Variants in DNAH5 observed in about 807,000 individuals in gnomAD.
DNAH5 encodes the protein axonemal beta dynein heavy chain 5.
A neutral mutation model predicts 518.2 loss-of-function variants in DNAH5; 372 were observed. That is an observed-to-expected ratio of 0.72 (90% CI 0.66 to 0.78). DNAH5 has a LOEUF of 0.78. Among genes scored for constraint, DNAH5 ranks in the 30% least tolerant of loss-of-function variants. The pLI, the probability that DNAH5 is intolerant of heterozygous loss-of-function variation, is 0.00. For synonymous variants in DNAH5, 2,039 were observed against 2,025.9 expected (o/e 1.01, Z -0.17); for missense variants, 5,523 against 5,687.0 (o/e 0.97, Z 0.93).
chr5:13,834,625 T>G (rs1165603708), intron 35 of DNAH5, among the ~76,000 whole-genome samples: 1 of 152,164 alleles, frequency 6.6e-6, no homozygotes, highest in African/African-American at 2.4e-5. Flanking sequence ...CGGGAGACCC[T>G]CTGAGGTGAC....
intron 16 of DNAH5, among the ~76,000 whole-genome samples, chr5:13,892,994 T>C (rs1187255709): frequency 6.6e-6 from 1 of 152,168 alleles, no homozygotes; most frequent in Non-Finnish European, 1.5e-5. Context: ...CTATAATGCA[T>C]AACAAAGGTG....
chr5:13,778,649 C>T (rs981177340), intron 53 of DNAH5, among the ~76,000 whole-genome samples: 1 of 151,952 alleles, frequency 6.6e-6, no homozygotes, highest in African/African-American at 2.4e-5. Flanking sequence ...TCTCACCCAG[C>T]TTCTTGTGAT....
rs1579967424 is a variant in DNAH5, at chr5:13,735,070, G to A, written c.11761+61C>T. On this transcript the variant is annotated intron_variant, in intron 68 of 78. Transcript: ENST00000265104. ...TATAACCAAAAAATGTACTGCAAAG[G>A]GCTTTCACAATAACTCCTCCATCTG... 7 of 1,506,748 alleles carry A rather than the reference G, an allele frequency of 4.6e-6. No individual in the cohort carries two copies. The East Asian group carries it at 1.6e-4, about 34-fold the overall frequency. The allele number at this position is 1,506,748 out of a possible 1,614,324, so 93.3% of individuals were successfully genotyped here.
chr5:13,900,438 C>A (rs1295671579), intron 14 of DNAH5, 26 bp from the exon 15 acceptor site: 1 of 1,589,624 alleles, frequency 6.3e-7, no homozygotes, highest in Non-Finnish European at 8.6e-7. Flanking sequence ...AACATCATTA[C>A]TATCAGAAAG....
intron 1 of DNAH5, among the ~76,000 whole-genome samples, chr5:13,985,807 A>ACC (rs1421359827): frequency 6.6e-6 from 1 of 152,168 alleles, no homozygotes; most frequent in Non-Finnish European, 1.5e-5. Flanking sequence ...CCCAGTTAAC[A>ACC]ACAGGATGCC....
chr5:13,900,104 C>A, intron 15 of DNAH5, 102 bp downstream of exon 15: 1 of 1,106,342 alleles, frequency 9.0e-7, no homozygotes, highest in Non-Finnish European at 1.3e-6. Context: ...CTCCATTCAT[C>A]CTGGCCACTT....
chr5:13,868,443 T>C (rs938850237), intron 24 of DNAH5, among the ~76,000 whole-genome samples: 4 of 152,332 alleles, frequency 2.6e-5, no homozygotes, highest in Non-Finnish European at 4.4e-5. Context: ...GAGGTTCCAA[T>C]AGTAAGACAC....
At chr5:13,797,760 T>C (rs986933905) in intron 47 of DNAH5, among the ~76,000 whole-genome samples, 1 of 152,124 alleles carries the variant, frequency 6.6e-6, no homozygotes, top group Non-Finnish European at 1.5e-5. Context: ...CACACGTATG[T>C]TTACTGCAGC....
chr5:13,872,629 G>A (rs981230771), intron 22 of DNAH5, among the ~76,000 whole-genome samples: 1 of 152,132 alleles, frequency 6.6e-6, no homozygotes, highest in Admixed American at 6.6e-5. Context: ...AACCAAGTAT[G>A]CATCTGTAAA....
chr5:13,916,172 G>T (rs554333339), intron 9 of DNAH5, among the ~76,000 whole-genome samples, 176 bp downstream of exon 9: 1 of 151,744 alleles, frequency 6.6e-6, no homozygotes, highest in South Asian at 2.1e-4. Flanking sequence ...TTTATGATTT[G>T]CTAGAATCAG....
intron 22 of DNAH5, among the ~76,000 whole-genome samples, chr5:13,873,234 T>C (rs1258576518): frequency 6.6e-6 from 1 of 152,198 alleles, no homozygotes; most frequent in African/African-American, 2.4e-5. Flanking sequence ...CTCCACAATC[T>C]CTTCCTTTTC....
At chr5:13,890,758 T>C (rs1773113147) in intron 17 of DNAH5, among the ~76,000 whole-genome samples, 1 of 152,216 alleles carries the variant, frequency 6.6e-6, no homozygotes, top group South Asian at 2.1e-4. Flanking sequence ...CTCCTACTGA[T>C]CTGAAATGAT....
In DNAH5 at chr5:13,912,368, C is replaced by T. The variant is rs1055446281; in HGVS notation, c.1537-875G>A. Among the ~76,000 whole-genome samples the T allele has an allele frequency of 9.2e-5, 14 of 151,970 alleles. No homozygotes were observed. In the South Asian group the frequency reaches 1.0e-3, roughly 11 times the overall value. Reference sequence around the variant, plus strand: ...TACTAGATAAAACAACCTACTTTTTCATGCTGCATAACTACAAAATTAGTT... The same window carrying T: ...TACTAGATAAAACAACCTACTTTTTTATGCTGCATAACTACAAAATTAGTT... On this transcript the variant is annotated intron_variant, in intron 11 of 78. Transcript: ENST00000265104.
intron 55 of DNAH5, among the ~76,000 whole-genome samples, chr5:13,773,199 C>T (rs1753585017): frequency 6.6e-6 from 1 of 152,004 alleles, no homozygotes; most frequent in African/African-American, 2.4e-5. Context: ...GCTATAACCA[C>T]AAAAATTACT....
At chr5:13,795,987 C>T (rs1757760190) in intron 47 of DNAH5, among the ~76,000 whole-genome samples, 1 of 152,172 alleles carries the variant, frequency 6.6e-6, no homozygotes, top group African/African-American at 2.4e-5. Context: ...AGGCCTTCGA[C>T]AAAATTCAAC....
chr5:13,707,507 A>T lies in DNAH5; in HGVS notation c.13338+616T>A, dbSNP rs1742953209. On this transcript the variant is annotated intron_variant, in intron 76 of 78. Coordinates refer to ENST00000265104, the MANE Select transcript of DNAH5 (RefSeq NM_001369.3). The surrounding 1 kb of genome is among the most constrained non-coding windows in gnomAD (Gnocchi z 4.0). ...GCCCATTCGGGAGCTGTAAACACTA[A>T]CCCTAGACACTGCCATGGGGTTGGA... Among the ~76,000 whole-genome samples the T allele has an allele frequency of 6.6e-6, 1 of 151,972 alleles. No individual in the cohort carries two copies. The highest frequency in any genetic ancestry group is 1.9e-4 in the East Asian group (1 of 5,182).
Position 13,719,008 on chromosome 5 carries a change from C to T in DNAH5, c.12373G>A (p.Ala4125Thr). 1 of 1,613,954 alleles carries T rather than the reference C, an allele frequency of 6.2e-7. No homozygotes were observed. Among genetic ancestry groups the T allele is most frequent in the Admixed American group, 1.7e-5 (1 of 60,008 alleles). ...TCGGTGGTCATCCAGAGGCGGAACGCATCATGTACAAGCTCAGTTTCTATG... is the reference window on the plus strand; with the variant it reads ...TCGGTGGTCATCCAGAGGCGGAACGTATCATGTACAAGCTCAGTTTCTATG... The part of the protein sequence containing the change: ...IIIETELVHD[A>T]FRLWMTTEAH... The change falls in exon 72 of 79, where the codon GCG (alanine) becomes ACG (threonine). Residue 4125 changes from alanine to threonine, a missense_variant. By Grantham distance (58) the Ala-to-Thr change is moderately conservative (BLOSUM62 0). Coordinates refer to ENST00000265104, the MANE Select transcript of DNAH5 (RefSeq NM_001369.3).
intron 52 of DNAH5, among the ~76,000 whole-genome samples, chr5:13,784,766 T>A (rs7712070): frequency 0.55 from 83,072 of 152,080 alleles, 22,753 homozygotes; most frequent in South Asian, 0.58. Flanking sequence ...TGATATCAAC[T>A]AAGTGAGAAT....
chr5:13,772,471 C>CGG (rs1399285490), intron 55 of DNAH5, among the ~76,000 whole-genome samples: 3 of 152,216 alleles, frequency 2.0e-5, no homozygotes, highest in African/African-American at 7.2e-5. Context: ...AGAAGCAGAA[C>CGG]ACTCCCTCTT....
Sources: allele counts gnomAD v4.1 joint callset (sites outside exome capture counted in the v4.1 genomes callset), GRCh38; gene constraint gnomAD v4.1.1; non-coding constraint Gnocchi (gnomAD v3.1); transcripts MANE v1.5; gene names NCBI Gene and HGNC (gene_info 2026-07-23, HGNC 2026-07-21).